XRCC4: variants seen among roughly 807,000 people sequenced by gnomAD.
XRCC4 encodes the protein X-ray repair cross complementing 4, also known as DNA repair protein XRCC4.
Under a neutral mutation model 39.1 loss-of-function variants are expected in XRCC4, and 28 were observed. The ratio of observed to expected loss-of-function variants is 0.72; its 90% CI spans 0.53 to 0.98. The LOEUF is 0.98. XRCC4 is among the 50% of genes least tolerant of loss of function. The pLI, the probability that XRCC4 is intolerant of heterozygous loss-of-function variation, is 0.00. For missense variants in XRCC4, 350 were observed against 376.4 expected (o/e 0.93, Z 0.58); for synonymous variants, 123 against 126.4 (o/e 0.97, Z 0.18).
At chr5:83,286,169 C>G (rs1030891986) in intron 7 of XRCC4, among the ~76,000 whole-genome samples, 1 of 152,038 alleles carries the variant, frequency 6.6e-6, no homozygotes, top group African/African-American at 2.4e-5. Flanking sequence ...GGTCTGTCTG[C>G]GTGAATTTCA....
At chr5:83,257,022 TA>T (rs753818898) in intron 6 of XRCC4, among the ~76,000 whole-genome samples, 1 of 151,642 alleles carries the variant, frequency 6.6e-6, no homozygotes. Flanking sequence ...TGATAGTTAT[TA>T]AGAAAAAAAA....
intron 5 of XRCC4, among the ~76,000 whole-genome samples, chr5:83,203,926 A>C (rs1009869231): frequency 6.6e-5 from 10 of 152,140 alleles, no homozygotes; most frequent in African/African-American, 2.2e-4. Context: ...CACTTAAATT[A>C]AAAAACTGAC....
intron 7 of XRCC4, among the ~76,000 whole-genome samples, chr5:83,346,406 G>A (rs193214386): frequency 2.6e-5 from 4 of 152,112 alleles, no homozygotes; most frequent in African/African-American, 4.8e-5. Context: ...ATTGAACCAC[G>A]TTGCCCACAG....
chr5:83,195,854 A>G lies in XRCC4; in HGVS notation c.400A>G (p.Ile134Val). 6.2e-7 allele frequency: 1 copy of G among 1,612,482 alleles called. No individual in the cohort carries two copies. The change falls in exon 4 of 8, where the codon ATT (isoleucine) becomes GTT (valine). Residue 134 changes from isoleucine to valine, a missense_variant. Ile to Val is a conservative substitution (Grantham distance 29). Coordinates refer to ENST00000396027, the MANE Select transcript of XRCC4 (RefSeq NM_003401.5). ...ACTTATTTGTTATTGCTTGGACACC[A>G]TTGCAGAAAATCAAGCCAAAAATGA... ...RELICYCLDT[I>V]AENQAKNEHL...
chr5:83,265,268 C>G lies in XRCC4; in HGVS notation c.893+6591C>G, dbSNP rs1753914909. ...GACTTTTTAAATGTCAAATTAGGTACATAAAATGAATGTTCAATTGCTATA... is the reference window on the plus strand; with the variant it reads ...GACTTTTTAAATGTCAAATTAGGTAGATAAAATGAATGTTCAATTGCTATA... On this transcript the variant is annotated intron_variant, in intron 7 of 7. Transcript: ENST00000396027. 2.0e-5 allele frequency among the ~76,000 whole-genome samples: 3 copies of G among 152,068 alleles called. No individual in the cohort carries two copies. The South Asian group carries it at 6.2e-4, about 32-fold the overall frequency.
intron 1 of XRCC4, 122 bp from the exon 2 acceptor site, chr5:83,104,788 G>T (rs71638240): frequency 5.3e-5 from 42 of 796,868 alleles, no homozygotes; most frequent in Non-Finnish European, 7.9e-5. Flanking sequence ...CTATTATACA[G>T]TTTTTTTGTT....
At chr5:83,193,332 A>G (rs1750795888) in intron 3 of XRCC4, among the ~76,000 whole-genome samples, 1 of 152,196 alleles carries the variant, frequency 6.6e-6, no homozygotes, top group Non-Finnish European at 1.5e-5. Context: ...TTAAATTTAT[A>G]GATACTTTTA....
chr5:83,352,560 A>G (rs1366837209), intron 7 of XRCC4, among the ~76,000 whole-genome samples: 1 of 152,226 alleles, frequency 6.6e-6, no homozygotes, highest in Non-Finnish European at 1.5e-5. Flanking sequence ...CTGAACCTGA[A>G]TAAAATTTAG....
chr5:83,201,696 AC>A (rs1223568774), intron 4 of XRCC4: 7 of 152,370 alleles, frequency 4.6e-5, no homozygotes, highest in South Asian at 2.1e-4. Context: ...CATATGAAAT[AC>A]CTATACGAAG....
chr5:83,356,534 A>AT (rs1412125147), downstream of XRCC4, among the ~76,000 whole-genome samples: 4 of 152,238 alleles, frequency 2.6e-5, no homozygotes, highest in East Asian at 5.8e-4. Context: ...TGTCAGATTG[A>AT]TTGAGTTGGT....
chr5:83,273,038 C>T (rs2112933474), intron 7 of XRCC4, among the ~76,000 whole-genome samples: 1 of 152,298 alleles, frequency 6.6e-6, no homozygotes, highest in East Asian at 1.9e-4. Flanking sequence ...TTTACACTCC[C>T]ACCAACAGTG....
At chr5:83,260,242 C>T (rs146593922) in intron 7 of XRCC4, among the ~76,000 whole-genome samples, 1 of 152,120 alleles carries the variant, frequency 6.6e-6, no homozygotes, top group East Asian at 1.9e-4. Context: ...TTTCAATTTA[C>T]AGACATTGAA....
chr5:83,332,587 A>G (rs1316364861), intron 7 of XRCC4, among the ~76,000 whole-genome samples: 1 of 152,208 alleles, frequency 6.6e-6, no homozygotes, highest in Non-Finnish European at 1.5e-5. Context: ...CACCTTTTGC[A>G]CTATAAGAGG....
In XRCC4 at chr5:83,111,116, A is replaced by G. The variant is rs1746423929; in HGVS notation, c.228A>G (p.Ser76=). ...YVGELRKALL[S]GAGPADVYTF... Reference sequence around the variant, plus strand: ...GTGAACTGAGAAAAGCATTGTTGTCAGGAGCAGGACCAGCTGATGTATACA... The same window carrying G: ...GTGAACTGAGAAAAGCATTGTTGTCGGGAGCAGGACCAGCTGATGTATACA... The change falls in exon 3 of 8, where the codon TCA becomes TCG. Residue 76 remains serine, a synonymous_variant. Transcript: ENST00000396027. 1.2e-6 allele frequency: 2 copies of G among 1,611,920 alleles called. No homozygotes were observed. The highest frequency in any genetic ancestry group is 1.7e-6 in the Non-Finnish European group (2 of 1,178,992).
In XRCC4 at chr5:83,132,089, C is replaced by G. The variant is rs139831931; in HGVS notation, c.315+20886C>G. Among the ~76,000 whole-genome samples the G allele has an allele frequency of 2.9e-3, 444 of 152,230 alleles. 18 individuals are homozygous for G. The East Asian group carries it at 0.074, about 25-fold the overall frequency. On this transcript the variant is annotated intron_variant, in intron 3 of 7. Transcript: ENST00000396027. ...AAGGCATGTCTGGTGGTGACAAAAT[C>G]TCTCAGCATTTGCTTGTCTGTAAAG...
At chr5:83,280,344 T>C in intron 7 of XRCC4, 1 of 475,438 alleles carries the variant, frequency 2.1e-6, no homozygotes, top group South Asian at 2.6e-5. Flanking sequence ...TTCCTGATAC[T>C]AGATCATGCA....
At chr5:83,277,553 A>C (rs1276660111) in intron 7 of XRCC4, among the ~76,000 whole-genome samples, 1 of 152,208 alleles carries the variant, frequency 6.6e-6, no homozygotes, top group Admixed American at 6.5e-5. Flanking sequence ...ACCTATTCCA[A>C]CTGATGGGTT....
At chr5:83,310,141 T>A (rs1755656243) in intron 7 of XRCC4, among the ~76,000 whole-genome samples, 1 of 152,208 alleles carries the variant, frequency 6.6e-6, no homozygotes, top group South Asian at 2.1e-4. Flanking sequence ...GGCATCTGGC[T>A]ACAGGATCTC....
chr5:83,296,578 A>G (rs767013456), intron 7 of XRCC4, among the ~76,000 whole-genome samples: 4 of 152,110 alleles, frequency 2.6e-5, no homozygotes, highest in Admixed American at 6.6e-5. Flanking sequence ...CAATGATAAA[A>G]AAATTTATTT....
Sources: allele counts gnomAD v4.1 joint callset (sites outside exome capture counted in the v4.1 genomes callset), GRCh38; gene constraint gnomAD v4.1.1; transcripts MANE v1.5; gene names NCBI Gene and HGNC (gene_info 2026-07-23, HGNC 2026-07-21).